Variants in SHPK observed in about 807,000 individuals in gnomAD.
SHPK encodes the protein carbohydrate kinase-like protein.
Under a neutral mutation model 46.3 loss-of-function variants are expected in SHPK, and 51 were observed. The ratio of observed to expected loss-of-function variants is 1.10; its 90% CI spans 0.88 to 1.39. The LOEUF (loss-of-function observed/expected upper bound fraction) is 1.39. Ranked by LOEUF, SHPK falls within the 40% of genes most tolerant of loss-of-function variation. SHPK has a pLI of 0.00. For missense variants in SHPK, 668 were observed against 641.3 expected (o/e 1.04, Z -0.45); for synonymous variants, 290 against 273.9 (o/e 1.06, Z -0.58).
chr17:3,615,445 A>G lies in SHPK; in HGVS notation c.916T>C (p.Tyr306His). Residue 306 changes from tyrosine to histidine, a missense_variant, in exon 6 of 7, where the codon TAC becomes CAC. Tyr to His is a moderately conservative substitution (Grantham distance 83). Transcript: ENST00000225519. The part of the protein sequence containing the change: ...QTPDPTAPVA[Y>H]FPYFNRTYLG... Reference sequence around the variant, plus strand: ...TAGGTCCTGTTGAAGTATGGGAAGTAGGCGACTGGGGCCGTAGGGTCTGGA... The same window carrying G: ...TAGGTCCTGTTGAAGTATGGGAAGTGGGCGACTGGGGCCGTAGGGTCTGGA... 8 of 1,614,190 alleles carry G rather than the reference A, an allele frequency of 5.0e-6. No homozygotes were observed. Among genetic ancestry groups the G allele is most frequent in the Non-Finnish European group, 6.8e-6 (8 of 1,180,020 alleles).
rs548639089 is a variant in SHPK, at chr17:3,616,895, G to A, written c.824-1358C>T. 3.3e-5 allele frequency among the ~76,000 whole-genome samples: 5 copies of A among 152,090 alleles called. No individual in the cohort carries two copies. The South Asian group carries it at 1.0e-3, about 32-fold the overall frequency. ...TGGGATTACAGGCATGCGCCACCAC[G>A]CCCAGCTAATTTTTTGTATTTTTAT... On this transcript the variant is annotated intron_variant, in intron 5 of 6. Transcript: ENST00000225519.
intron 5 of SHPK, 127 bp from the exon 6 acceptor site, chr17:3,615,664 G>A: frequency 1.5e-6 from 1 of 660,162 alleles, no homozygotes; most frequent in Non-Finnish European, 2.6e-6. Context: ...GTTTGGCAGT[G>A]AGAGGGGGTG....
At chr17:3,629,740 A>G (rs1412063602) in intron 2 of SHPK, among the ~76,000 whole-genome samples, 1 of 151,644 alleles carries the variant, frequency 6.6e-6, no homozygotes, top group East Asian at 1.9e-4. Flanking sequence ...AAAAAAAAAA[A>G]AAAAAAAGAT....
chr17:3,632,301 C>A (rs965719903), intron 1 of SHPK, among the ~76,000 whole-genome samples: 1 of 152,204 alleles, frequency 6.6e-6, no homozygotes, highest in African/African-American at 2.4e-5. Flanking sequence ...AGAGTCCTCC[C>A]AGCTGGGCGC....
Position 3,635,960 on chromosome 17 carries a change from T to C in SHPK, c.168+92A>G, listed in dbSNP as rs542066420. The stretch of plus-strand genomic sequence containing the variant: ...GGGACAAGCTGGAATAGAGACTTCA[T>C]TGCGGGAAGGGCTGTCAGGGAGGCC... On this transcript the variant is annotated intron_variant, in intron 1 of 6. Transcript: ENST00000225519. The C allele has an allele frequency of 1.4e-4, 173 of 1,275,904 alleles. No individual in the cohort carries two copies. The African/African-American group carries it at 2.4e-3, about 18-fold the overall frequency. The allele number at this position is 1,275,904 out of a possible 1,614,324, so 79.0% of individuals were successfully genotyped here. A position where few individuals can be genotyped will look rare whatever the true frequency, so the allele number is the denominator to read the frequency against.
chr17:3,608,455 G>A lies in SHPK; in HGVS notation c.*2105C>T, dbSNP rs919178597. ...AACAGAAGCACTGTGATACCAGGAC[G>A]GGCGATCTGACGACTAAGTGACTGA... On this transcript the variant is annotated 3_prime_UTR_variant, in exon 7 of 7. Transcript: ENST00000225519. 8 of 152,036 alleles carry A rather than the reference G, an allele frequency of 5.3e-5. No individual in the cohort carries two copies. Among genetic ancestry groups the A allele is most frequent in the African/African-American group, 1.4e-4 (6 of 41,382 alleles). 9.4% of individuals were successfully genotyped at this position (152,036 alleles called of 1,614,324 possible).
intron 2 of SHPK, among the ~76,000 whole-genome samples, chr17:3,628,006 G>A (rs147976332): frequency 2.0e-5 from 3 of 152,034 alleles, no homozygotes; most frequent in Non-Finnish European, 2.9e-5. Context: ...GGAGGAGGAA[G>A]AGCCTGCATC....
intron 6 of SHPK, among the ~76,000 whole-genome samples, chr17:3,612,568 C>G (rs2075346471): frequency 6.6e-6 from 1 of 152,066 alleles, no homozygotes; most frequent in South Asian, 2.1e-4. Context: ...CTTGAGAGCA[C>G]TGTGGGCCCC....
chr17:3,629,033 G>A (rs980515935), intron 2 of SHPK, among the ~76,000 whole-genome samples: 3 of 152,064 alleles, frequency 2.0e-5, no homozygotes, highest in Non-Finnish European at 4.4e-5. Context: ...ATTCTGCTGG[G>A]AAGTCTCTCA....
intron 1 of SHPK, among the ~76,000 whole-genome samples, chr17:3,632,936 T>C (rs192606774): frequency 6.1e-4 from 92 of 151,572 alleles, no homozygotes; most frequent in African/African-American, 2.2e-3. Flanking sequence ...GTGAAAAGTA[T>C]GAACTTGAGG....
At chr17:3,614,664 A>G (rs1220435239) in intron 6 of SHPK, among the ~76,000 whole-genome samples, 2 of 152,000 alleles carry the variant, frequency 1.3e-5, no homozygotes, top group African/African-American at 2.4e-5. Context: ...CCTGGCCAAC[A>G]TGGCAAAACC....
chr17:3,617,725 A>G lies in SHPK; in HGVS notation c.824-2188T>C, dbSNP rs535502085. 6.6e-5 allele frequency among the ~76,000 whole-genome samples: 10 copies of G among 152,300 alleles called. No homozygotes were observed. The South Asian group carries it at 1.2e-3, about 19-fold the overall frequency. Reference sequence around the variant, plus strand: ...GGGATATATTTTTGATTGGCAGGTAAAAGTTTCTGACCTCTCTTTCTTTGT... The same window carrying G: ...GGGATATATTTTTGATTGGCAGGTAGAAGTTTCTGACCTCTCTTTCTTTGT... On this transcript the variant is annotated intron_variant, in intron 5 of 6. Coordinates refer to ENST00000225519, the MANE Select transcript of SHPK (RefSeq NM_013276.4).
chr17:3,615,213 C>T (rs1433140700), intron 6 of SHPK, 124 bp downstream of exon 6: 3 of 856,978 alleles, frequency 3.5e-6, no homozygotes, highest in Non-Finnish European at 5.6e-6. Context: ...TATGCCAGGA[C>T]CTGGCAGGGT....
rs141166207 is a variant in SHPK, at chr17:3,630,298, G to C, written c.217C>G (p.Leu73Val). 1,217 of 1,613,652 alleles carry C rather than the reference G, an allele frequency of 7.5e-4. 4 individuals carry two copies. The highest frequency in any genetic ancestry group is 1.0e-3 in the Non-Finnish European group (1,180 of 1,180,002). Reference sequence around the variant, plus strand: ...AGCTGGGGTCGGGGAAGGGCAGCAAGGCACTCGTGTAGGGCTTGGAGGATT... The same window carrying C: ...AGCTGGGGTCGGGGAAGGGCAGCAACGCACTCGTGTAGGGCTTGGAGGATT... ...SRILQALHEC[L>V]AALPRPQLRS... Residue 73 changes from leucine (L) to valine (V), a missense_variant, in exon 2 of 7, where the codon CTT (leucine) becomes GTT (valine). Transcript: ENST00000225519.
At position 3,636,243 on chromosome 17, in the gene SHPK, C is replaced by A. The variant is rs2075526796; in HGVS notation, c.-24G>T. 11 of 1,577,732 alleles carry A rather than the reference C, an allele frequency of 7.0e-6. No homozygotes were observed. The highest frequency in any genetic ancestry group is 8.6e-6 in the Non-Finnish European group (10 of 1,157,688). ...ATTATCTCCCTGACCCGCGCAGCTC[C>A]AGTCTGCAGCCAGCGGCCCCACAAG... is the stretch of plus-strand genomic sequence containing the variant. On this transcript the variant is annotated 5_prime_UTR_variant, in exon 1 of 7. Transcript: ENST00000225519.
chr17:3,612,377 G>T (rs1023079206), intron 6 of SHPK, among the ~76,000 whole-genome samples: 13 of 150,026 alleles, frequency 8.7e-5, no homozygotes, highest in African/African-American at 3.0e-4. Flanking sequence ...AGTGAGCTGA[G>T]ATGGTGCCAC....
Position 3,615,552 on chromosome 17 carries a change from G to C in SHPK, c.824-15C>G, listed in dbSNP as rs113415647. 2.9e-5 allele frequency: 47 copies of C among 1,613,120 alleles called. No homozygotes were observed. Among genetic ancestry groups the C allele is most frequent in the Non-Finnish European group, 3.8e-5 (45 of 1,179,192 alleles). On this transcript the variant is annotated splice_polypyrimidine_tract_variant and intron_variant, in intron 5 of 6. Transcript: ENST00000225519. ...GATGTTGAGAACTGGGGTCCGAAGA[G>C]AGCAGAGCTTAGGCCTGTCGGGCTA...
At position 3,630,259 on chromosome 17, in the gene SHPK, C is replaced by T; in HGVS notation, c.256G>A (p.Gly86Ser). The T allele has an allele frequency of 1.2e-6, 2 of 1,613,628 alleles. No individual in the cohort carries two copies. Among genetic ancestry groups the T allele is most frequent in the Non-Finnish European group, 1.7e-6 (2 of 1,179,968 alleles). The change falls in exon 2 of 7, where the codon GGC (glycine) becomes AGC (serine). Residue 86 changes from glycine to serine, a missense_variant. By Grantham distance (56) the Gly-to-Ser change is moderately conservative (BLOSUM62 0). Transcript: ENST00000225519. ...TGCATCTGGCCCGACACCCCGATGC[C>T]CACGACGCTCCGGAGCTGGGGTCGG... ...LPRPQLRSVV[G>S]IGVSGQMHGV...
At chr17:3,615,275 C>T (rs1250392746) in intron 6 of SHPK, 62 bp downstream of exon 6, 16 of 1,538,610 alleles carry the variant, frequency 1.0e-5, no homozygotes, top group Non-Finnish European at 1.3e-5. Context: ...CGTGAAGCTC[C>T]GAGACCCTGC....
Sources: allele counts gnomAD v4.1 joint callset (sites outside exome capture counted in the v4.1 genomes callset), GRCh38; gene constraint gnomAD v4.1.1; transcripts MANE v1.5; gene names NCBI Gene and HGNC (gene_info 2026-07-23, HGNC 2026-07-21).